Variants in ZKSCAN4 observed in about 807,000 individuals in gnomAD.
The protein encoded by ZKSCAN4 is zinc finger protein with KRAB and SCAN domains 4.
In ZKSCAN4, 23 loss-of-function variants were observed where a neutral mutation model predicts 30.8. The ratio of observed to expected loss-of-function variants is 0.75; its 90% CI spans 0.54 to 1.06. ZKSCAN4 has a LOEUF of 1.06. Among genes scored for constraint, ZKSCAN4 ranks in the 50% least tolerant of loss-of-function variants. ZKSCAN4 has a pLI of 0.00. For missense variants in ZKSCAN4, 556 were observed against 665.4 expected (o/e 0.84, Z 1.81); for synonymous variants, 208 against 252.5 (o/e 0.82, Z 1.67).
At chr6:28,247,488 A>AG (rs1338767036) in intron 3 of ZKSCAN4, among the ~76,000 whole-genome samples, 1 of 144,248 alleles carries the variant, frequency 6.9e-6, no homozygotes, top group African/African-American at 2.7e-5. Flanking sequence ...GAGAAAAATT[A>AG]GGGGAAAAAA....
Position 28,251,036 on chromosome 6 carries a change from T to C in ZKSCAN4, c.423+522A>G, listed in dbSNP as rs1364471388. ...GGTCCATGGACTTTCTCCCAAGTGGTCCATGAACTTAGAAAGGACAAAAAC... is the reference window on the plus strand; with the variant it reads ...GGTCCATGGACTTTCTCCCAAGTGGCCCATGAACTTAGAAAGGACAAAAAC... On this transcript the variant is annotated intron_variant, in intron 1 of 4. Coordinates refer to ENST00000377294, the MANE Select transcript of ZKSCAN4 (RefSeq NM_019110.5). The surrounding 1 kb of genome is among the most constrained non-coding windows in gnomAD (Gnocchi z 4.5). Among the ~76,000 whole-genome samples, 1 of 152,178 alleles carries C rather than the reference T, an allele frequency of 6.6e-6. No individual in the cohort carries two copies. The highest frequency in any genetic ancestry group is 1.5e-5 in the Non-Finnish European group (1 of 68,030).
intron 2 of ZKSCAN4, among the ~76,000 whole-genome samples, chr6:28,248,838 AAAAAAAG>A (rs1335294979): frequency 0.069 from 10,028 of 145,628 alleles, 403 homozygotes; most frequent in East Asian, 0.24. Context: ...AAAAAAAAAA[AAAAAAAG>A]AAAAAAGAAA....
At chr6:28,255,209 G>C (rs1761143496), upstream of ZKSCAN4, among the ~76,000 whole-genome samples, 1 of 152,104 alleles carries the variant, frequency 6.6e-6, no homozygotes, top group African/African-American at 2.4e-5. Flanking sequence ...GCTAATAATT[G>C]CACTTTTTGG....
At chr6:28,246,155 CT>C (rs1337687116) in intron 4 of ZKSCAN4, 180 bp from the exon 5 acceptor site, 1 of 797,606 alleles carries the variant, frequency 1.3e-6, no homozygotes, top group Non-Finnish European at 1.9e-6. Context: ...GGAAGGAGGC[CT>C]GAGAATGAGA....
chr6:28,246,864 T>C, intron 4 of ZKSCAN4, 105 bp downstream of exon 4: 1 of 1,365,572 alleles, frequency 7.3e-7, no homozygotes, highest in Non-Finnish European at 9.9e-7. Flanking sequence ...ATGGTGATTC[T>C]GAATCCAAAC....
the ZKSCAN4 span, among the ~76,000 whole-genome samples, chr6:28,257,827 C>G: frequency 2.0e-5 from 3 of 152,116 alleles, no homozygotes; most frequent in Non-Finnish European, 4.4e-5. Flanking sequence ...ATTTCATCAA[C>G]CAGCTTTGTA....
chr6:28,245,669 G>T lies in ZKSCAN4; in HGVS notation c.1085C>A (p.Ala362Asp). The change falls in exon 5 of 5, where the codon GCC (alanine) becomes GAC (aspartate). Residue 362 changes from alanine (A) to aspartate (D), a missense_variant. Ala to Asp is a moderately radical substitution (Grantham distance 126). Around this residue, in one of 3 missense-constraint regions of ZKSCAN4, gnomAD observed 433 missense variants for 511.5 expected, o/e 0.85. Coordinates refer to ENST00000377294, the MANE Select transcript of ZKSCAN4 (RefSeq NM_019110.5). The stretch of plus-strand genomic sequence containing the variant: ...GTGGACTCTCTGATGAATGACAAGG[G>T]CAGAGCTCCCAATGAAGGTCTTTCC... ...DCGKTFIGSSALVIHQRVHTG... is the reference protein window; with the variant it reads ...DCGKTFIGSSDLVIHQRVHTG... 2 of 1,613,826 alleles carry T rather than the reference G, an allele frequency of 1.2e-6. No individual in the cohort carries two copies. The highest frequency in any genetic ancestry group is 2.2e-5 in the South Asian group (2 of 91,066).
rs1312365811 is a variant in ZKSCAN4 at position 28,243,020 on chromosome 6, A to C, written c.*2096T>G. ...AAACAAATATCACAGAAAAGTTAAC[A>C]GAGTTGTCTGTAATGAGTTTGAGTG... On this transcript the variant is annotated 3_prime_UTR_variant, in exon 5 of 5. Transcript: ENST00000377294. Among the ~76,000 whole-genome samples, 1 of 152,232 alleles carries C rather than the reference A, an allele frequency of 6.6e-6. No homozygotes were observed. Among genetic ancestry groups the C allele is most frequent in the Non-Finnish European group, 1.5e-5 (1 of 68,048 alleles).
At chr6:28,250,558 A>G (rs1760953366) in intron 1 of ZKSCAN4, among the ~76,000 whole-genome samples, 1 of 152,100 alleles carries the variant, frequency 6.6e-6, no homozygotes, top group South Asian at 2.1e-4. Flanking sequence ...ATACTAATAT[A>G]TTTTCTAATC....
rs1244297599 is a variant in ZKSCAN4 at position 28,244,434 on chromosome 6, G to A, written c.*682C>T. Among the ~76,000 whole-genome samples the A allele has an allele frequency of 6.6e-6, 1 of 152,128 alleles. No individual in the cohort carries two copies. Among genetic ancestry groups the A allele is most frequent in the Non-Finnish European group, 1.5e-5 (1 of 68,038 alleles). ...CTCACAGTGTCTTAATGATAAAGAA[G>A]CTGTTTAAGGCATTCTTCTCATCTC... On this transcript the variant is annotated 3_prime_UTR_variant, in exon 5 of 5. Coordinates refer to ENST00000377294, the MANE Select transcript of ZKSCAN4 (RefSeq NM_019110.5).
At chr6:28,246,038 T>C in intron 4 of ZKSCAN4, 63 bp from the exon 5 acceptor site, 2 of 1,609,478 alleles carry the variant, frequency 1.2e-6, no homozygotes, top group Non-Finnish European at 1.7e-6. Flanking sequence ...AGCTCTGTGA[T>C]GAGTACTAGG....
rs1466470212 is a variant in ZKSCAN4, at chr6:28,248,114, A to G, written c.607T>C (p.Cys203Arg). The change falls in exon 3 of 5, where the codon TGC (cysteine) becomes CGC (arginine). Residue 203 changes from cysteine to arginine, a missense_variant. Cys to Arg is a radical substitution (Grantham distance 180). Around this residue, in one of 3 missense-constraint regions of ZKSCAN4, gnomAD observed 433 missense variants for 511.5 expected, o/e 0.85. Coordinates refer to ENST00000377294, the MANE Select transcript of ZKSCAN4 (RefSeq NM_019110.5). ...GAAGCTACCATTGCATCTTCTCTGC[A>G]GCACCCTCCCTGGGCAAGCCCAGGA... The part of the protein sequence containing the change: ...QVPGLAQGGC[C>R]REDAMVASRL... 23 of 1,613,750 alleles carry G rather than the reference A, an allele frequency of 1.4e-5. No homozygotes were observed. In the South Asian group the frequency reaches 2.0e-4, roughly 14 times the overall value.
In ZKSCAN4 at chr6:28,251,722, G is replaced by T. The variant is rs1248982326; in HGVS notation, c.259C>A (p.His87Asn). 6.2e-7 allele frequency: 1 copy of T among 1,614,232 alleles called. No individual in the cohort carries two copies. The highest frequency in any genetic ancestry group is 1.7e-5 in the Admixed American group (1 of 60,032). Residue 87 changes from histidine to asparagine, a missense_variant, in exon 1 of 5, where the codon CAC becomes AAC. By Grantham distance (68) the His-to-Asn change is moderately conservative. Around this residue, in one of 3 missense-constraint regions of ZKSCAN4, gnomAD observed 115 missense variants for 125.9 expected, o/e 0.91. Coordinates refer to ENST00000377294, the MANE Select transcript of ZKSCAN4 (RefSeq NM_019110.5). This position sits in a 1 kb window ranked among gnomAD's most constrained non-coding sequence, Gnocchi z 4.5. ...LCGQWLQPEM[H>N]SKEQILELLV... is the part of the protein sequence containing the mutation. ...AGCTCCAGGATCTGCTCCTTGCTGT[G>T]CATCTCAGGCTGCAGCCATTGTCCG...
At position 28,245,312 on chromosome 6, in the gene ZKSCAN4, G is replaced by A; in HGVS notation, c.1442C>T (p.Thr481Ile). The A allele has an allele frequency of 6.2e-7, 1 of 1,614,152 alleles. No homozygotes were observed. Among genetic ancestry groups the A allele is most frequent in the East Asian group, 2.2e-5 (1 of 44,876 alleles). The change falls in exon 5 of 5, where the codon ACT becomes ATT. Residue 481 changes from threonine to isoleucine, a missense_variant. Transcript: ENST00000377294. Reference protein sequence around the residue: ...QGRTESQWENTEAPVSYKCNE... With the variant: ...QGRTESQWENIEAPVSYKCNE... ...ACATTTATAAGACACGGGAGCCTCA[G>A]TATTTTCCCACTGGCTTTCCGTCCT...
chr6:28,257,107 C>A (rs1761203399), upstream of ZKSCAN4, among the ~76,000 whole-genome samples: 1 of 152,018 alleles, frequency 6.6e-6, no homozygotes, highest in African/African-American at 2.4e-5. Context: ...AAATTATACT[C>A]AATTATTATA....
rs1162527166 is a variant in ZKSCAN4 at position 28,244,301 on chromosome 6, A to G, written c.*815T>C. Among the ~76,000 whole-genome samples, 1 of 152,188 alleles carries G rather than the reference A, an allele frequency of 6.6e-6. No individual in the cohort carries two copies. Among genetic ancestry groups the G allele is most frequent in the African/African-American group, 2.4e-5 (1 of 41,440 alleles). On this transcript the variant is annotated 3_prime_UTR_variant, in exon 5 of 5. Transcript: ENST00000377294. Reference sequence around the variant, plus strand: ...CATTTTGATCTAACTCAGTAAGTTGATTTTTATTTACCTGAATGTGAAAGA... The same window carrying G: ...CATTTTGATCTAACTCAGTAAGTTGGTTTTTATTTACCTGAATGTGAAAGA...
At chr6:28,246,081 A>C in intron 4 of ZKSCAN4, 106 bp from the exon 5 acceptor site, 1 of 1,451,364 alleles carries the variant, frequency 6.9e-7, no homozygotes, top group Non-Finnish European at 9.5e-7. Context: ...ATATATGCCC[A>C]GGATGAGGAT....
rs1269919410 is a variant in ZKSCAN4, at chr6:28,245,547, G to C, written c.1207C>G (p.Pro403Ala). Residue 403 changes from proline (P) to alanine (A), a missense_variant, in exon 5 of 5, where the codon CCC becomes GCC. This residue lies in a region of ZKSCAN4 where 433 missense variants were observed against 511.5 expected (regional missense o/e 0.85). Coordinates refer to ENST00000377294, the MANE Select transcript of ZKSCAN4 (RefSeq NM_019110.5). ...TTCCCACAGTCATCACACTCATAGGGCTTCTCCCCAGTGTGGGTTCTCTGG... is the reference window on the plus strand; with the variant it reads ...TTCCCACAGTCATCACACTCATAGGCCTTCTCCCCAGTGTGGGTTCTCTGG... ...KHQRTHTGEKPYECDDCGKTF... is the reference protein window; with the variant it reads ...KHQRTHTGEKAYECDDCGKTF... 1 of 1,614,208 alleles carries C rather than the reference G, an allele frequency of 6.2e-7. No homozygotes were observed.
Position 28,245,015 on chromosome 6 carries a change from TAAA to T in ZKSCAN4, c.*98_*100del. 2 of 1,428,238 alleles carry T rather than the reference TAAA, an allele frequency of 1.4e-6. No individual in the cohort carries two copies. The highest frequency in any genetic ancestry group is 2.0e-6 in the Non-Finnish European group (2 of 1,014,436). The allele number at this position is 1,428,238 out of a possible 1,614,324, so 88.5% of individuals were successfully genotyped here. On this transcript the variant is annotated 3_prime_UTR_variant, in exon 5 of 5. Transcript: ENST00000377294. Reference sequence around the variant, plus strand: ...TCTAATACCCGATGATGTATAGTGGTAAATAAAGCCCTGGTCCACAATTTCTGT... The same window carrying T: ...TCTAATACCCGATGATGTATAGTGGTTAAAGCCCTGGTCCACAATTTCTGT...
Sources: gnomAD v4.1 joint callset for allele counts (sites outside exome capture counted in the v4.1 genomes callset) on GRCh38, gnomAD v4.1.1 for gene constraint, gnomAD v4.1.1 regional missense constraint, Gnocchi (gnomAD v3.1) non-coding constraint, MANE v1.5 for transcripts, NCBI Gene and HGNC (gene_info 2026-07-23, HGNC 2026-07-21) for gene names.